TM2D1: variants seen among roughly 807,000 people sequenced by gnomAD.
TM2D1 encodes TM2 domain containing 1, also known as TM2 domain-containing protein 1.
In TM2D1, 15 loss-of-function variants were observed where a neutral mutation model predicts 28.4. The ratio of observed to expected loss-of-function variants is 0.53; its 90% CI spans 0.35 to 0.81. The LOEUF is 0.81. Among genes scored for constraint, TM2D1 ranks in the 40% least tolerant of loss-of-function variants. The pLI is 0.01. For synonymous variants in TM2D1, 93 were observed against 96.2 expected, an observed-to-expected ratio of 0.97 and a Z score of 0.20; for missense variants, 236 against 254.9, an observed-to-expected ratio of 0.93 and a Z score of 0.50.
At chr1:61,683,135 A>G (rs1277962972) in intron 6 of TM2D1, 1 of 162,714 alleles carries the variant, frequency 6.1e-6, no homozygotes, top group Non-Finnish European at 1.3e-5. Context: ...ACATACTTTC[A>G]TCATAACCAT....
chr1:61,683,781 C>A (rs1644264533), intron 5 of TM2D1: 1 of 282,456 alleles, frequency 3.5e-6, no homozygotes. Context: ...GAATTCTGTG[C>A]TCCCTGAGGC....
intron 1 of TM2D1, 86 bp from the exon 2 acceptor site, chr1:61,723,872 T>G: frequency 1.7e-6 from 1 of 578,928 alleles, no homozygotes; most frequent in Non-Finnish European, 3.0e-6. Flanking sequence ...ATACTCATGT[T>G]GATATTCACA....
chr1:61,685,247 G>A (rs1257914575), intron 5 of TM2D1, among the ~76,000 whole-genome samples: 1 of 152,082 alleles, frequency 6.6e-6, no homozygotes, highest in East Asian at 1.9e-4. Flanking sequence ...TTTTAAGTAG[G>A]TGATATTTAA....
chr1:61,720,532 T>C (rs1313743890), intron 2 of TM2D1, among the ~76,000 whole-genome samples: 1 of 151,792 alleles, frequency 6.6e-6, no homozygotes, highest in Non-Finnish European at 1.5e-5. Context: ...GTGAGCCACC[T>C]CACCCGGGCT....
At chr1:61,714,645 C>T (rs1231636393) in intron 2 of TM2D1, among the ~76,000 whole-genome samples, 1 of 152,206 alleles carries the variant, frequency 6.6e-6, no homozygotes, top group Non-Finnish European at 1.5e-5. Flanking sequence ...GCCTCAACCC[C>T]CTGGGCTTAA....
chr1:61,691,933 A>AAAAAATATATATATATG (rs1491136530), intron 5 of TM2D1, among the ~76,000 whole-genome samples: 1 of 83,038 alleles, frequency 1.2e-5, no homozygotes, highest in South Asian at 4.5e-4. Context: ...AAAAAAAAAA[A>AAAAAATATATATATATG]TATATATATA....
chr1:61,724,962 C>T lies in TM2D1; in HGVS notation c.159G>A (p.Val53=). 1.9e-6 allele frequency: 3 copies of T among 1,597,604 alleles called. No individual in the cohort carries two copies. Among genetic ancestry groups the T allele is most frequent in the Non-Finnish European group, 2.6e-6 (3 of 1,168,052 alleles). The change falls in exon 1 of 7, where the codon GTG becomes GTA. Residue 53 remains valine (V), a synonymous_variant. Transcript: ENST00000606498. ...GTGTTCTCCACAGAGGATATTGTCC[C>T]ACTTTGAGGTCCTCGCACTTAAGCG... ...EESLKCEDLK[V]GQYICKDPKI...
At chr1:61,705,509 T>C (rs1271430477) in intron 3 of TM2D1, among the ~76,000 whole-genome samples, 1 of 152,164 alleles carries the variant, frequency 6.6e-6, no homozygotes, top group Non-Finnish European at 1.5e-5. Flanking sequence ...CTTATGAATA[T>C]ACAGCTAACC....
At chr1:61,700,182 A>G in intron 4 of TM2D1, 1 of 1,535,352 alleles carries the variant, frequency 6.5e-7, no homozygotes, top group South Asian at 1.2e-5. Context: ...CCTATCCATA[A>G]AACAAAGATG....
intron 1 of TM2D1, among the ~76,000 whole-genome samples, chr1:61,724,137 C>T (rs920871274): frequency 2.0e-5 from 3 of 152,140 alleles, no homozygotes; most frequent in South Asian, 2.1e-4. Flanking sequence ...ATAGGTCACC[C>T]AAGGTTGCAA....
chr1:61,703,746 A>G (rs1415713821), intron 3 of TM2D1, among the ~76,000 whole-genome samples: 3 of 93,980 alleles, frequency 3.2e-5, no homozygotes, highest in Non-Finnish European at 6.3e-5. Context: ...ATATATATAT[A>G]TATATATATG....
chr1:61,716,727 G>A (rs1359798757), intron 2 of TM2D1, among the ~76,000 whole-genome samples: 1 of 151,576 alleles, frequency 6.6e-6, no homozygotes, highest in Non-Finnish European at 1.5e-5. Context: ...TTTATGATAT[G>A]AAATTAATCA....
At chr1:61,695,958 CCAA>C (rs1385752247) in intron 4 of TM2D1, 1 of 152,172 alleles carries the variant, frequency 6.6e-6, no homozygotes. Context: ...GTCCTTAGTG[CCAA>C]CAACATTGCC....
intron 2 of TM2D1, among the ~76,000 whole-genome samples, chr1:61,716,977 A>T (rs1474124570): frequency 6.6e-6 from 1 of 152,166 alleles, no homozygotes; most frequent in Non-Finnish European, 1.5e-5. Context: ...TACTCTTTCC[A>T]TTATATCATA....
rs548176004 is a variant in TM2D1, at chr1:61,689,981, C to A, written c.513+4716G>T. ...TAGGGCCTTTGGAAAGTTATTAAGT[C>A]ATTAGGGCTCCACCATCCACTAATG... On this transcript the variant is annotated intron_variant, in intron 5 of 6. Coordinates refer to ENST00000606498, the MANE Select transcript of TM2D1 (RefSeq NM_032027.3). Among the ~76,000 whole-genome samples, 6 of 152,222 alleles carry A rather than the reference C, an allele frequency of 3.9e-5. No homozygotes were observed. The South Asian group carries it at 1.2e-3, about 32-fold the overall frequency.
chr1:61,698,003 T>C (rs1644376275), intron 4 of TM2D1: 2 of 152,222 alleles, frequency 1.3e-5, no homozygotes, highest in Admixed American at 1.3e-4. Context: ...TTCTTAAATT[T>C]ATCATCTTAC....
At chr1:61,694,666 A>T (rs766993961) in intron 5 of TM2D1, 31 bp downstream of exon 5, 2 of 1,433,368 alleles carry the variant, frequency 1.4e-6, no homozygotes, top group South Asian at 2.5e-5. Flanking sequence ...TGAATGTAAA[A>T]GTAGTTTACA....
intron 2 of TM2D1, among the ~76,000 whole-genome samples, chr1:61,720,136 A>G (rs1437887356): frequency 6.6e-6 from 1 of 152,262 alleles, no homozygotes; most frequent in Non-Finnish European, 1.5e-5. Context: ...AAAAGACCAT[A>G]GCAAAATTTT....
chr1:61,704,687 C>A (rs1214220329), intron 3 of TM2D1, among the ~76,000 whole-genome samples: 1 of 152,166 alleles, frequency 6.6e-6, no homozygotes, highest in Non-Finnish European at 1.5e-5. Context: ...CCACCTCAGT[C>A]TCCCAAAGTG....
Sources: gnomAD v4.1 joint callset for allele counts (sites outside exome capture counted in the v4.1 genomes callset) on GRCh38, gnomAD v4.1.1 for gene constraint, MANE v1.5 for transcripts, NCBI Gene and HGNC (gene_info 2026-07-23, HGNC 2026-07-21) for gene names.